The following SORCS1 variants were observed in gnomAD, a reference collection of about 807,000 sequenced individuals.
SORCS1 encodes the protein sortilin related VPS10 domain containing receptor 1.
SORCS1 carries 60 observed loss-of-function variants against 146.1 expected under a neutral mutation model. That is an observed-to-expected ratio of 0.41 (90% CI 0.33 to 0.51). SORCS1 has a LOEUF of 0.51. SORCS1 is among the 20% of genes least tolerant of loss of function. The pLI, the probability that SORCS1 is intolerant of heterozygous loss-of-function variation, is 0.21. For missense variants in SORCS1, 1,352 were observed against 1,487.6 expected (o/e 0.91, Z 1.50); for synonymous variants, 637 against 584.0 (o/e 1.09, Z -1.31).
intron 4 of SORCS1, among the ~76,000 whole-genome samples, chr10:106,773,436 C>T (rs1200777883): frequency 2.0e-5 from 3 of 152,332 alleles, no homozygotes; most frequent in South Asian, 4.1e-4. Context: ...CATCAGCTAA[C>T]GGCTGCGGCT....
chr10:106,577,728 T>A lies in SORCS1; in HGVS notation c.3372-173A>T, dbSNP rs1247573500. 3 of 1,313,680 alleles carry A rather than the reference T, an allele frequency of 2.3e-6. No individual in the cohort carries two copies. The African/African-American group carries it at 4.5e-5, about 20-fold the overall frequency. The allele number at this position is 1,313,680 out of a possible 1,614,324, so 81.4% of individuals were successfully genotyped here. On this transcript the variant is annotated intron_variant, in intron 25 of 25. Coordinates refer to ENST00000263054, the MANE Select transcript of SORCS1 (RefSeq NM_052918.5). ...GGAAATGCGACTGAGAACCAAACGA[T>A]CCCCAAAAATGCACTTAGAAGCTTT...
intron 2 of SORCS1, among the ~76,000 whole-genome samples, chr10:106,840,841 T>TTATATATATA (rs1292497131): frequency 1.8e-5 from 2 of 113,872 alleles, no homozygotes; most frequent in African/African-American, 7.0e-5. Flanking sequence ...TTTAGTTATA[T>TTATATATATA]TATATATATA....
chr10:106,998,805 G>A (rs1417178287), intron 1 of SORCS1, among the ~76,000 whole-genome samples: 1 of 152,132 alleles, frequency 6.6e-6, no homozygotes, highest in Non-Finnish European at 1.5e-5. Context: ...GATACACTGA[G>A]CTCCAAAAGT....
chr10:106,607,746 T>C (rs1198111083), intron 22 of SORCS1, among the ~76,000 whole-genome samples: 2 of 152,208 alleles, frequency 1.3e-5, no homozygotes, highest in African/African-American at 2.4e-5. Flanking sequence ...CTTTATCATC[T>C]GCCCCTCATG....
At chr10:106,631,074 T>C (rs1172642385) in intron 18 of SORCS1, among the ~76,000 whole-genome samples, 1 of 152,214 alleles carries the variant, frequency 6.6e-6, no homozygotes, top group Non-Finnish European at 1.5e-5. Context: ...ATCATATTTT[T>C]TGAAAAGGCC....
At chr10:106,578,672 G>T (rs1409589783) in intron 25 of SORCS1, 8 of 1,011,604 alleles carry the variant, frequency 7.9e-6, no homozygotes, top group Non-Finnish European at 1.2e-6. Context: ...GCTGTATCCA[G>T]TTGAGGCTAC....
At chr10:106,842,051 C>T (rs1239778184) in intron 2 of SORCS1, among the ~76,000 whole-genome samples, 1 of 152,134 alleles carries the variant, frequency 6.6e-6, no homozygotes, top group African/African-American at 2.4e-5. Context: ...AGCAGTGAAT[C>T]AGAGTTCCTG....
At chr10:107,050,612 A>G (rs1960012696) in intron 1 of SORCS1, among the ~76,000 whole-genome samples, 1 of 152,192 alleles carries the variant, frequency 6.6e-6, no homozygotes, top group Admixed American at 6.5e-5. Flanking sequence ...TTCTGTATAG[A>G]ATTTAATATG....
At chr10:106,953,142 AGTGT>A (rs60289278) in intron 2 of SORCS1, among the ~76,000 whole-genome samples, 4,663 of 148,094 alleles carry the variant, frequency 0.031, 180 homozygotes, top group African/African-American at 0.092. Context: ...CTGTGGGTAT[AGTGT>A]GTGTGTGTGT....
chr10:106,797,181 T>C (rs972918011), intron 3 of SORCS1, among the ~76,000 whole-genome samples: 1 of 152,150 alleles, frequency 6.6e-6, no homozygotes, highest in Non-Finnish European at 1.5e-5. Flanking sequence ...TTACTTATCT[T>C]TCATCTTTAT....
chr10:107,150,115 C>G (rs1190270824), intron 1 of SORCS1, among the ~76,000 whole-genome samples: 1 of 152,186 alleles, frequency 6.6e-6, no homozygotes, highest in East Asian at 1.9e-4. Flanking sequence ...GTTTATGGGT[C>G]TATTTCCACC....
At chr10:106,981,648 T>G (rs1343601106) in intron 1 of SORCS1, among the ~76,000 whole-genome samples, 1 of 152,184 alleles carries the variant, frequency 6.6e-6, no homozygotes, top group African/African-American at 2.4e-5. Context: ...AATAACTGCA[T>G]TTTTCATCTT....
At chr10:106,992,822 CTTTCTTT>C (rs1956822197) in intron 1 of SORCS1, among the ~76,000 whole-genome samples, 3 of 98,794 alleles carry the variant, frequency 3.0e-5, no homozygotes, top group African/African-American at 6.1e-5. Flanking sequence ...TCCTTTCTTT[CTTTCTTT>C]TTTTTTTTTT....
chr10:106,583,896 G>T (rs537719432), intron 24 of SORCS1, among the ~76,000 whole-genome samples: 5 of 152,128 alleles, frequency 3.3e-5, no homozygotes, highest in Admixed American at 1.3e-4. Flanking sequence ...AAGCCATGCA[G>T]AACAATCTTA....
chr10:106,701,803 A>G (rs1263501357), intron 8 of SORCS1, among the ~76,000 whole-genome samples: 25 of 152,232 alleles, frequency 1.6e-4, no homozygotes, highest in Admixed American at 1.6e-3. Context: ...CATAATTTCA[A>G]TCTACAAAAT....
chr10:106,772,341 C>A (rs1860084826), intron 4 of SORCS1, among the ~76,000 whole-genome samples: 1 of 152,160 alleles, frequency 6.6e-6, no homozygotes. Flanking sequence ...CTCAGGCCTT[C>A]AAACTTGGAC....
chr10:106,854,500 CTTTT>C (rs937968520), intron 2 of SORCS1, among the ~76,000 whole-genome samples: 2 of 142,022 alleles, frequency 1.4e-5, no homozygotes, highest in African/African-American at 2.8e-5. Flanking sequence ...TTACCATTTT[CTTTT>C]TGTTTCCTTT....
chr10:106,775,567 CAGACA>C (rs1860368971), intron 4 of SORCS1, among the ~76,000 whole-genome samples: 1 of 152,194 alleles, frequency 6.6e-6, no homozygotes, highest in Non-Finnish European at 1.5e-5. Context: ...TATGCAAACC[CAGACA>C]AATGAAACCC....
intron 16 of SORCS1, among the ~76,000 whole-genome samples, chr10:106,668,224 G>A (rs1225047222): frequency 6.6e-6 from 1 of 152,206 alleles, no homozygotes; most frequent in Non-Finnish European, 1.5e-5. Context: ...TACTGGTGAT[G>A]TCTTTGGGAT....
Sources: allele counts gnomAD v4.1 joint callset (sites outside exome capture counted in the v4.1 genomes callset), GRCh38; gene constraint gnomAD v4.1.1; transcripts MANE v1.5; gene names NCBI Gene and HGNC (gene_info 2026-07-23, HGNC 2026-07-21).